EVC: variants seen among roughly 807,000 people sequenced by gnomAD.
The protein encoded by EVC is evC complex member EVC.
Under a neutral mutation model 118.9 loss-of-function variants are expected in EVC, and 116 were observed. That is an observed-to-expected ratio of 0.98 (90% CI 0.84 to 1.14). EVC has a LOEUF of 1.14. Ranked by LOEUF, EVC falls within the 50% of genes most tolerant of loss-of-function variation. The pLI, the probability that EVC is intolerant of heterozygous loss-of-function variation, is 0.00. For missense variants in EVC, 1,401 were observed against 1,246.4 expected (o/e 1.12, Z -1.87); for synonymous variants, 619 against 534.7 (o/e 1.16, Z -2.18).
At chr4:5,828,955 G>A in the EVC span, among the ~76,000 whole-genome samples, 3 of 152,176 alleles carry the variant, frequency 2.0e-5, no homozygotes, top group Admixed American at 6.5e-5. Flanking sequence ...ATGCAATGTG[G>A]CTGCTTTGAC....
chr4:5,824,621 A>C, the EVC span: 1 of 950,596 alleles, frequency 1.1e-6, no homozygotes, highest in Non-Finnish European at 1.3e-6. Flanking sequence ...TGACCTGAGA[A>C]TAGTTTGTAC....
At chr4:5,771,814 G>T (rs537159769) in intron 11 of EVC, among the ~76,000 whole-genome samples, 2 of 152,170 alleles carry the variant, frequency 1.3e-5, no homozygotes, top group Non-Finnish European at 2.9e-5. Context: ...AGGATGCAGG[G>T]ACTGAGAAAA....
At chr4:5,764,034 G>C (rs1320200127) in intron 11 of EVC, among the ~76,000 whole-genome samples, 2 of 148,412 alleles carry the variant, frequency 1.3e-5, no homozygotes, top group Non-Finnish European at 3.0e-5. Context: ...TATTGGCTGG[G>C]GGTTTGTCAT....
chr4:5,773,825 T>C (rs1327592283), intron 11 of EVC, among the ~76,000 whole-genome samples: 2 of 152,118 alleles, frequency 1.3e-5, no homozygotes, highest in African/African-American at 4.8e-5. Flanking sequence ...AGGACCCACT[T>C]GTCAGGGGAA....
intron 12 of EVC, among the ~76,000 whole-genome samples, chr4:5,786,436 G>A (rs1477957946): frequency 2.0e-5 from 3 of 152,172 alleles, no homozygotes; most frequent in Non-Finnish European, 4.4e-5. Context: ...GGCATGTGGG[G>A]AAGGTTTCTG....
At chr4:5,799,333 A>G (rs1714553149) in intron 15 of EVC, among the ~76,000 whole-genome samples, 2 of 152,346 alleles carry the variant, frequency 1.3e-5, no homozygotes, top group South Asian at 4.1e-4. Flanking sequence ...GTGAGAAGTC[A>G]CATTAGCGTT....
At chr4:5,769,761 A>C (rs1031818147) in intron 11 of EVC, among the ~76,000 whole-genome samples, 5 of 152,092 alleles carry the variant, frequency 3.3e-5, no homozygotes, top group Non-Finnish European at 5.9e-5. Flanking sequence ...TCATGCGGGG[A>C]CTTCTCAGCT....
At chr4:5,810,743 A>C (rs1716778751) in intron 20 of EVC, among the ~76,000 whole-genome samples, 1 of 152,102 alleles carries the variant, frequency 6.6e-6, no homozygotes, top group Non-Finnish European at 1.5e-5. Flanking sequence ...CCCTTCTTTG[A>C]CCAGGGATGG....
At chr4:5,797,757 C>A (rs1254388919) in intron 14 of EVC, among the ~76,000 whole-genome samples, 1 of 152,158 alleles carries the variant, frequency 6.6e-6, no homozygotes, top group African/African-American at 2.4e-5. Flanking sequence ...GTAGGGGCCA[C>A]CCATGTACCA....
chr4:5,825,556 G>C, the EVC span: 1 of 1,597,310 alleles, frequency 6.3e-7, no homozygotes, highest in Non-Finnish European at 8.5e-7. The surrounding 1 kb of genome is among the most constrained non-coding windows in gnomAD (Gnocchi z 4.4). Flanking sequence ...TTTAGAAGGC[G>C]AAGATTTGGC....
chr4:5,761,293 G>A (rs574050381), intron 11 of EVC, among the ~76,000 whole-genome samples: 6 of 152,136 alleles, frequency 3.9e-5, no homozygotes, highest in Non-Finnish European at 8.8e-5. Context: ...AGCCCAGTGG[G>A]GATGAGCCCA....
rs1163361882 is a variant in EVC, at chr4:5,785,605, G to C, written c.1776+1841G>C. ...TTCTAGTTCATTCAGTCCTCTGTCA[G>C]TGGCATCCGGTTGCCCTGTCGTAGG... On this transcript the variant is annotated intron_variant, in intron 12 of 20. Transcript: ENST00000264956. 2.6e-5 allele frequency among the ~76,000 whole-genome samples: 4 copies of C among 152,316 alleles called. No individual in the cohort carries two copies. The East Asian group carries it at 7.7e-4, about 29-fold the overall frequency.
intron 1 of EVC, among the ~76,000 whole-genome samples, chr4:5,718,129 C>G (rs1023631854): frequency 9.2e-5 from 14 of 152,132 alleles, no homozygotes; most frequent in African/African-American, 3.1e-4. Context: ...ATATAGTCTA[C>G]TCTCCTTATT....
chr4:5,728,549 AT>A (rs1726239900), intron 2 of EVC, among the ~76,000 whole-genome samples: 1 of 152,088 alleles, frequency 6.6e-6, no homozygotes. Flanking sequence ...TCTTTTCCTA[AT>A]TGAATACCCT....
At chr4:5,735,526 GA>G (rs1367107589) in intron 5 of EVC, among the ~76,000 whole-genome samples, 2 of 152,210 alleles carry the variant, frequency 1.3e-5, no homozygotes, top group Non-Finnish European at 2.9e-5. Context: ...TCTGTGGGTA[GA>G]ACTCTGGGCT....
At chr4:5,772,853 C>T (rs1365270691) in intron 11 of EVC, among the ~76,000 whole-genome samples, 4 of 152,162 alleles carry the variant, frequency 2.6e-5, no homozygotes, top group African/African-American at 9.7e-5. Context: ...GTCTTCCTCC[C>T]TTCCCTGGGC....
At position 5,793,699 on chromosome 4, in the gene EVC, T is replaced by A; in HGVS notation, c.1868T>A (p.Leu623Gln). ...EGTIRGVLGR[L>Q]GGLTEESTRC... is the part of the protein sequence containing the mutation. ...ACCATCCGCGGCGTCTTGGGCCGAC[T>A]GGGCGGCCTCACTGAAGAGTGAGTA... is the stretch of plus-strand genomic sequence containing the variant. Residue 623 changes from leucine (L) to glutamine (Q), a missense_variant, in exon 13 of 21, where the codon CTG becomes CAG. By Grantham distance (113) the Leu-to-Gln change is moderately radical. Coordinates refer to ENST00000264956, the MANE Select transcript of EVC (RefSeq NM_153717.3). 1 of 1,550,614 alleles carries A rather than the reference T, an allele frequency of 6.4e-7. No homozygotes were observed. Among genetic ancestry groups the A allele is most frequent in the Non-Finnish European group, 8.7e-7 (1 of 1,147,252 alleles).
intron 2 of EVC, among the ~76,000 whole-genome samples, chr4:5,727,752 A>G (rs1414568464): frequency 6.6e-6 from 1 of 151,636 alleles, no homozygotes; most frequent in Middle Eastern, 3.4e-3. Context: ...TTTTTGTATA[A>G]GGTGTAAGGA....
chr4:5,819,878 C>A, the EVC span, among the ~76,000 whole-genome samples: 1 of 152,188 alleles, frequency 6.6e-6, no homozygotes, highest in Admixed American at 6.5e-5. Context: ...TGAGCCAACA[C>A]TTCTTTCAAC....
Sources: gnomAD v4.1 joint callset for allele counts (sites outside exome capture counted in the v4.1 genomes callset) on GRCh38, gnomAD v4.1.1 for gene constraint, Gnocchi (gnomAD v3.1) non-coding constraint, MANE v1.5 for transcripts, NCBI Gene and HGNC (gene_info 2026-07-23, HGNC 2026-07-21) for gene names.